DHTKD1: variants seen among roughly 807,000 people sequenced by gnomAD.
DHTKD1 encodes the protein 2-oxoadipate dehydrogenase complex component E1.
In DHTKD1, 78 loss-of-function variants were observed where a neutral mutation model predicts 101.8. The observed-to-expected ratio is 0.77, with a 90% CI of 0.64 to 0.93. The LOEUF (loss-of-function observed/expected upper bound fraction) is 0.93, where lower values mean the gene tolerates loss of function less well. DHTKD1 is among the 40% of genes least tolerant of loss of function. The probability of loss-of-function intolerance (pLI) is 0.00; values close to 1 mark genes in which losing one functional copy is unlikely to be tolerated. For missense variants in DHTKD1, 1,223 were observed against 1,161.7 expected (o/e 1.05, Z -0.77); for synonymous variants, 462 against 450.3 (o/e 1.03, Z -0.33).
intron 7 of DHTKD1, among the ~76,000 whole-genome samples, chr10:12,095,391 T>G (rs1040504081): frequency 6.6e-6 from 1 of 152,224 alleles, no homozygotes; most frequent in African/African-American, 2.4e-5. Flanking sequence ...AATATGTTAT[T>G]GAAATGCCGG....
chr10:12,120,160 G>A (rs780798334), intron 15 of DHTKD1, 22 bp from the exon 16 acceptor site: 1 of 1,600,672 alleles, frequency 6.2e-7, no homozygotes, highest in Non-Finnish European at 8.6e-7. Context: ...TTGAGGTGCT[G>A]AAAGAATTTC....
intron 11 of DHTKD1, among the ~76,000 whole-genome samples, chr10:12,106,716 A>G (rs1458400832): frequency 6.6e-6 from 1 of 152,222 alleles, no homozygotes; most frequent in African/African-American, 2.4e-5. Flanking sequence ...CGTAAAAATT[A>G]GAAGTAATTG....
At chr10:12,069,290 C>G (rs532508621) in intron 1 of DHTKD1, 103 bp downstream of exon 1, 2 of 638,018 alleles carry the variant, frequency 3.1e-6, no homozygotes, top group African/African-American at 2.0e-5. Flanking sequence ...GGCTGCCGGC[C>G]TGAACGCGCG....
At chr10:12,078,074 A>C (rs796175892) in intron 1 of DHTKD1, among the ~76,000 whole-genome samples, 2 of 152,050 alleles carry the variant, frequency 1.3e-5, no homozygotes, top group African/African-American at 4.8e-5. Context: ...TTTTGTGCCA[A>C]CTTCTGTGTC....
intron 5 of DHTKD1, 70 bp from the exon 6 acceptor site, chr10:12,091,440 ACCT>A: frequency 1.6e-5 from 14 of 872,178 alleles, no homozygotes; most frequent in East Asian, 3.1e-5. Flanking sequence ...AGTTATTCCA[ACCT>A]GAAAACCTAG....
chr10:12,087,622 G>T lies in DHTKD1; in HGVS notation c.610G>T (p.Glu204Ter), dbSNP rs751438050. 5 of 1,613,994 alleles carry T rather than the reference G, an allele frequency of 3.1e-6. No individual in the cohort carries two copies. The highest frequency in any genetic ancestry group is 4.2e-6 in the Non-Finnish European group (5 of 1,179,994). ...GAESMMGFFH[E>*]LLKMSAYSGI... ...TGAAAGCATGATGGGCTTTTTCCAC[G>T]AGCTGCTGAAAATGTCGGCCTACAG... Residue 204 changes from glutamate (E) to a stop codon, truncating the protein, a stop_gained, in exon 4 of 17, where the codon GAG becomes TAG. Transcript: ENST00000263035. LOFTEE classifies it high-confidence loss of function. This position sits in a 1 kb window ranked among gnomAD's most constrained non-coding sequence, Gnocchi z 5.2.
intron 12 of DHTKD1, among the ~76,000 whole-genome samples, chr10:12,112,620 A>T (rs573184951): frequency 2.2e-4 from 33 of 152,106 alleles, no homozygotes; most frequent in South Asian, 4.1e-4. Flanking sequence ...TATTTTTTTT[A>T]AAAAAGTCCT....
In DHTKD1 at chr10:12,117,746, A is replaced by C; in HGVS notation, c.2393A>C (p.Asp798Ala). 15 of 1,592,522 alleles carry C rather than the reference A, an allele frequency of 9.4e-6. No individual in the cohort carries two copies. The highest frequency in any genetic ancestry group is 1.3e-5 in the Non-Finnish European group (15 of 1,164,860). The change falls in exon 14 of 17, where the codon GAT becomes GCT. Residue 798 changes from aspartate to alanine, a missense_variant. Coordinates refer to ENST00000263035, the MANE Select transcript of DHTKD1 (RefSeq NM_018706.7). ...FNPVIGDSSV[D>A]PKKVKTLVFC... ...CCGGTCATTGGTGATTCATCTGTGG[A>C]TCCAAAAAAGTAAGATATGTATCTC...
chr10:12,105,079 C>T (rs892581160), intron 10 of DHTKD1, among the ~76,000 whole-genome samples: 2 of 151,784 alleles, frequency 1.3e-5, no homozygotes. Flanking sequence ...AGGCTGGTCT[C>T]GAACTCCTGA....
chr10:12,089,185 A>G lies in DHTKD1; in HGVS notation c.917A>G (p.Gln306Arg). 2 of 1,614,204 alleles carry G rather than the reference A, an allele frequency of 1.2e-6. No homozygotes were observed. The highest frequency in any genetic ancestry group is 1.7e-6 in the Non-Finnish European group (2 of 1,180,028). The change falls in exon 5 of 17, where the codon CAG becomes CGG. Residue 306 changes from glutamine (Q) to arginine (R), a missense_variant. Physicochemically the swap from Gln to Arg is conservative, Grantham distance 43. Transcript: ENST00000263035. Reference protein sequence around the residue: ...VAVGKTRGRQQSRQDGDYSPD... With the variant: ...VAVGKTRGRQRSRQDGDYSPD... ...GTGGGCAAAACTCGCGGCAGGCAGC[A>G]GTCTCGCCAAGACGGCGATTACTCT...
In DHTKD1 at chr10:12,107,134, T is replaced by C. The variant is rs11257540; in HGVS notation, c.2047+738T>C. Among the ~76,000 whole-genome samples the C allele has an allele frequency of 0.15, 23,314 of 150,912 alleles. 2,051 individuals are homozygous for C. Among genetic ancestry groups the C allele is most frequent in the African/African-American group, 0.25 (10,276 of 41,110 alleles). ...CGAGTAGCTGGGACTACATAGGCGC[T>C]GGTCACCACGCCCGGCTAATTTTTT... On this transcript the variant is annotated intron_variant, in intron 11 of 16. Coordinates refer to ENST00000263035, the MANE Select transcript of DHTKD1 (RefSeq NM_018706.7). This position sits in a 1 kb window ranked among gnomAD's most constrained non-coding sequence, Gnocchi z 4.1.
At position 12,084,527 on chromosome 10, in the gene DHTKD1, T is replaced by C; in HGVS notation, c.311-13T>C. 2 of 1,523,394 alleles carry C rather than the reference T, an allele frequency of 1.3e-6. No homozygotes were observed. Among genetic ancestry groups the C allele is most frequent in the Non-Finnish European group, 9.1e-7 (1 of 1,097,746 alleles). The allele number at this position is 1,523,394 out of a possible 1,614,324, so 94.4% of individuals were successfully genotyped here. On this transcript the variant is annotated splice_polypyrimidine_tract_variant and intron_variant, in intron 2 of 16. Coordinates refer to ENST00000263035, the MANE Select transcript of DHTKD1 (RefSeq NM_018706.7). ...TTATTTTTTAAGATGACCCCTTTGA[T>C]TGTATTTCACAGGATTATTGAACAT...
chr10:12,097,966 GCA>G lies in DHTKD1; in HGVS notation c.1644_1645del (p.His548GlnfsTer40). 2 of 1,612,718 alleles carry G rather than the reference GCA, an allele frequency of 1.2e-6. No homozygotes were observed. On this transcript the variant is annotated frameshift_variant, in exon 8 of 17. Coordinates refer to ENST00000263035, the MANE Select transcript of DHTKD1 (RefSeq NM_018706.7). LOFTEE classifies it high-confidence loss of function. ...SVEVPRELQM[H>X]SHLLKTHVQS... ...TAGAGGTGCCAAGAGAGCTGCAGAT[GCA>G]CAGTCACCTGCTGAAGACACATGTT... is the stretch of plus-strand genomic sequence containing the variant.
rs1833102183 is a variant in DHTKD1 at position 12,098,078 on chromosome 10, G to A, written c.1671+82G>A. ...TGACGTTGGTCTGGTGTTTTCAGTT[G>A]TCTGATTCATTTGACAAATATTTAT... is the stretch of plus-strand genomic sequence containing the variant. On this transcript the variant is annotated intron_variant, in intron 8 of 16. Coordinates refer to ENST00000263035, the MANE Select transcript of DHTKD1 (RefSeq NM_018706.7). 7 of 1,298,686 alleles carry A rather than the reference G, an allele frequency of 5.4e-6. No individual in the cohort carries two copies. In the South Asian group the frequency reaches 8.7e-5, roughly 16 times the overall value. The allele number at this position is 1,298,686 out of a possible 1,614,324, so 80.4% of individuals were successfully genotyped here. A position where few individuals can be genotyped will look rare whatever the true frequency, so the allele number is the denominator to read the frequency against.
chr10:12,069,059 C>T lies in DHTKD1; in HGVS notation c.26C>T (p.Ala9Val). The T allele has an allele frequency of 6.2e-7, 1 of 1,613,158 alleles. No individual in the cohort carries two copies. The highest frequency in any genetic ancestry group is 8.5e-7 in the Non-Finnish European group (1 of 1,179,634). MASATAAA[A>V]RRGLGRALPL... is the part of the protein sequence containing the mutation. ...ATGGCCTCTGCTACTGCGGCAGCAG[C>T]ACGACGGGGCCTCGGCCGGGCTCTC... The change falls in exon 1 of 17, where the codon GCA becomes GTA. Residue 9 changes from alanine (A) to valine (V), a missense_variant. Coordinates refer to ENST00000263035, the MANE Select transcript of DHTKD1 (RefSeq NM_018706.7).
chr10:12,086,511 G>T (rs566036509), intron 3 of DHTKD1, among the ~76,000 whole-genome samples: 72 of 151,544 alleles, frequency 4.8e-4, no homozygotes, highest in African/African-American at 1.6e-3. Flanking sequence ...GAGCCACCGC[G>T]CCCAGCCTAA....
At chr10:12,119,777 T>G (rs1833495624) in intron 15 of DHTKD1, among the ~76,000 whole-genome samples, 1 of 152,072 alleles carries the variant, frequency 6.6e-6, no homozygotes, top group South Asian at 2.1e-4. Flanking sequence ...GGCACACATT[T>G]ACCTGCATAA....
chr10:12,091,608 T>C lies in DHTKD1; in HGVS notation c.1083T>C (p.His361=). The change falls in exon 6 of 17, where the codon CAT becomes CAC. Residue 361 remains histidine (H), a synonymous_variant. Coordinates refer to ENST00000263035, the MANE Select transcript of DHTKD1 (RefSeq NM_018706.7). ...ATTTCAGAATTGGTGGGAGTGTGCA[T>C]TTGATTGTTAATAACCAGCTGGGTT... ...LPHFRIGGSV[H]LIVNNQLGYT... is the part of the protein sequence containing the mutation. 1 of 1,613,638 alleles carries C rather than the reference T, an allele frequency of 6.2e-7. No individual in the cohort carries two copies. Among genetic ancestry groups the C allele is most frequent in the Non-Finnish European group, 8.5e-7 (1 of 1,179,920 alleles).
intron 2 of DHTKD1, 99 bp from the exon 3 acceptor site, chr10:12,084,441 G>A (rs1054111958): frequency 1.3e-6 from 1 of 773,622 alleles, no homozygotes; most frequent in Non-Finnish European, 2.1e-6. Flanking sequence ...TTTAAACATT[G>A]GGGTTAATTT....
Sources: gnomAD v4.1 joint callset for allele counts (sites outside exome capture counted in the v4.1 genomes callset) on GRCh38, gnomAD v4.1.1 for gene constraint, Gnocchi (gnomAD v3.1) non-coding constraint, MANE v1.5 for transcripts, NCBI Gene and HGNC (gene_info 2026-07-23, HGNC 2026-07-21) for gene names.